OR2C1: variants seen among roughly 807,000 people sequenced by gnomAD.
The protein encoded by OR2C1 is olfactory receptor family 2 subfamily C member 1, also known as olfactory receptor 2C1.
For synonymous variants in OR2C1, 209 were observed against 167.3 expected (o/e 1.25, Z -1.92); for missense variants, 468 against 388.3 (o/e 1.21, Z -1.73).
At chr16:3,335,145 A>T in the OR2C1 span, among the ~76,000 whole-genome samples, 1 of 152,126 alleles carries the variant, frequency 6.6e-6, no homozygotes, top group Admixed American at 6.6e-5. Flanking sequence ...ACTCAGGATT[A>T]CTTTTACTAT....
chr16:3,326,589 G>C, the OR2C1 span, among the ~76,000 whole-genome samples: 2 of 152,012 alleles, frequency 1.3e-5, no homozygotes, highest in Admixed American at 1.3e-4. Flanking sequence ...TGTCAATCCT[G>C]ATTCCATTTG....
the OR2C1 span, among the ~76,000 whole-genome samples, chr16:3,325,532 A>T: frequency 6.7e-6 from 1 of 148,554 alleles, no homozygotes; most frequent in Non-Finnish European, 1.5e-5. Flanking sequence ...GCATGGAGAT[A>T]TGAAGTGAGT....
the OR2C1 span, among the ~76,000 whole-genome samples, chr16:3,340,106 C>T: frequency 1.3e-5 from 2 of 151,992 alleles, no homozygotes; most frequent in South Asian, 2.1e-4. Context: ...TGGTGAAACC[C>T]CATCTCTACT....
At chr16:3,349,857 G>C in the OR2C1 span, among the ~76,000 whole-genome samples, 1 of 151,338 alleles carries the variant, frequency 6.6e-6, no homozygotes, top group Non-Finnish European at 1.5e-5. Context: ...AGCCAAGATC[G>C]TGCCACTGCA....
At chr16:3,323,077 T>C in the OR2C1 span, 1 of 546,454 alleles carries the variant, frequency 1.8e-6, no homozygotes, top group Non-Finnish European at 2.8e-6. Flanking sequence ...TTTTTGAAGA[T>C]AAAGCAGGAA....
chr16:3,353,587 G>C (rs1015887299), upstream of OR2C1, among the ~76,000 whole-genome samples: 7 of 151,894 alleles, frequency 4.6e-5, no homozygotes, highest in Admixed American at 1.3e-4. Flanking sequence ...GATAACCTGA[G>C]GCCAGGAGTT....
At chr16:3,327,685 C>G in the OR2C1 span, among the ~76,000 whole-genome samples, 11 of 151,664 alleles carry the variant, frequency 7.3e-5, no homozygotes, top group African/African-American at 2.7e-4. Context: ...TTTTAACAAG[C>G]CTCAGAGTGC....
downstream of OR2C1, among the ~76,000 whole-genome samples, chr16:3,357,844 C>T (rs139250961): frequency 1.2e-4 from 18 of 152,006 alleles, no homozygotes; most frequent in African/African-American, 3.4e-4. Context: ...AGCCTTGCAT[C>T]GTGGCACATG....
chr16:3,348,775 C>T, the OR2C1 span, among the ~76,000 whole-genome samples: 6,644 of 152,252 alleles, frequency 0.044, 196 homozygotes, highest in Middle Eastern at 0.061. Flanking sequence ...ACGGCCTAAT[C>T]AGGTTACCAG....
chr16:3,349,664 A>G, the OR2C1 span, among the ~76,000 whole-genome samples: 1 of 151,980 alleles, frequency 6.6e-6, no homozygotes, highest in Admixed American at 6.6e-5. Context: ...AACAGGGGGG[A>G]AAAAAGATGG....
At chr16:3,327,222 C>A in the OR2C1 span, among the ~76,000 whole-genome samples, 7 of 152,058 alleles carry the variant, frequency 4.6e-5, no homozygotes, top group Admixed American at 6.6e-5. Context: ...AATCTTGTTT[C>A]ATTTATCCCC....
the OR2C1 span, among the ~76,000 whole-genome samples, chr16:3,336,240 G>A: frequency 1.3e-3 from 204 of 152,210 alleles, no homozygotes; most frequent in African/African-American, 4.8e-3. Flanking sequence ...GTATCCCTGG[G>A]ATGAATCCCA....
chr16:3,339,734 GCATGAGCCA>G, the OR2C1 span, among the ~76,000 whole-genome samples: 1 of 152,062 alleles, frequency 6.6e-6, no homozygotes, highest in East Asian at 1.9e-4. Flanking sequence ...GGGATTACAG[GCATGAGCCA>G]CCGCACCCGG....
chr16:3,324,365 G>A, the OR2C1 span, among the ~76,000 whole-genome samples: 2 of 152,000 alleles, frequency 1.3e-5, no homozygotes, highest in African/African-American at 4.8e-5. Flanking sequence ...AATTTTTTGT[G>A]TTTTAATAGA....
chr16:3,355,482 C>G (rs1254894225), upstream of OR2C1, among the ~76,000 whole-genome samples: 2 of 52,398 alleles, frequency 3.8e-5, no homozygotes, highest in African/African-American at 1.2e-4. Flanking sequence ...AGCTTGCAAT[C>G]TTAAAAAGTA....
At chr16:3,337,551 C>T in the OR2C1 span, among the ~76,000 whole-genome samples, 198 of 152,106 alleles carry the variant, frequency 1.3e-3, 1 homozygote, top group Non-Finnish European at 2.2e-3. Context: ...AATTTTAATT[C>T]GGCAAGTGTT....
At chr16:3,325,458 AAAATATATATATATATATATATATAT>A in the OR2C1 span, among the ~76,000 whole-genome samples, 496 of 60,540 alleles carry the variant, frequency 8.2e-3, 13 homozygotes, top group East Asian at 0.043. Flanking sequence ...ATTATGTCTA[AAAATATATATATATATATATATATAT>A]ATATATATAT....
At chr16:3,350,245 G>T in the OR2C1 span, among the ~76,000 whole-genome samples, 1 of 150,728 alleles carries the variant, frequency 6.6e-6, no homozygotes, top group Non-Finnish European at 1.5e-5. Context: ...TAGTAGAGAG[G>T]GGGTTTCCCA....
At chr16:3,355,465 A>AAAAAAAAAAAAAAC (rs1382052254), upstream of OR2C1, among the ~76,000 whole-genome samples, 14 of 141,636 alleles carry the variant, frequency 9.9e-5, 2 homozygotes, top group Admixed American at 2.2e-4. Flanking sequence ...CTCAAAAAAA[A>AAAAAAAAAAAAAAC]AAAAAAAGCT....
Sources: allele counts gnomAD v4.1 joint callset (sites outside exome capture counted in the v4.1 genomes callset), GRCh38; gene constraint gnomAD v4.1.1; transcripts MANE v1.5; gene names NCBI Gene and HGNC (gene_info 2026-07-23, HGNC 2026-07-21).